Variants in HDAC4 observed in about 807,000 individuals in gnomAD.
HDAC4 encodes histone deacetylase 4, also known as histone deacetylase A.
HDAC4 carries 16 observed loss-of-function variants against 135.1 expected under a neutral mutation model. The observed-to-expected ratio is 0.12, with a 90% CI of 0.08 to 0.18. The LOEUF is 0.18. Among genes scored for constraint, HDAC4 ranks in the 10% least tolerant of loss-of-function variants. The pLI is 1.00. For synonymous variants in HDAC4, 685 were observed against 653.4 expected, an observed-to-expected ratio of 1.05 and a Z score of -0.74; for missense variants, 1,143 against 1,511.8, an observed-to-expected ratio of 0.76 and a Z score of 4.05.
intron 7 of HDAC4, among the ~76,000 whole-genome samples, chr2:239,148,381 G>C (rs1039606866): frequency 6.6e-6 from 1 of 152,210 alleles, no homozygotes; most frequent in Non-Finnish European, 1.5e-5. Context: ...CAGGAGAAGA[G>C]AGAATCAGCA....
At chr2:239,339,083 G>A (rs547676540) in intron 2 of HDAC4, among the ~76,000 whole-genome samples, 1 of 152,330 alleles carries the variant, frequency 6.6e-6, no homozygotes, top group African/African-American at 2.4e-5. Flanking sequence ...TGGTAAAGAT[G>A]TTATATTGAC....
intron 3 of HDAC4, among the ~76,000 whole-genome samples, chr2:239,190,574 G>A (rs998622727): frequency 2.0e-5 from 3 of 152,204 alleles, no homozygotes; most frequent in African/African-American, 7.2e-5. Flanking sequence ...CCACAAGAGC[G>A]TGTGCCCCAG....
intron 3 of HDAC4, among the ~76,000 whole-genome samples, chr2:239,223,422 G>A (rs2047074781): frequency 1.3e-5 from 2 of 152,204 alleles, no homozygotes; most frequent in Non-Finnish European, 2.9e-5. Flanking sequence ...GCGGGTCACT[G>A]GGGGTGGAAT....
chr2:239,082,781 G>A (rs1043604170), intron 20 of HDAC4, among the ~76,000 whole-genome samples: 8 of 152,244 alleles, frequency 5.3e-5, no homozygotes, highest in Admixed American at 4.6e-4. Context: ...GGCAAGCACC[G>A]TTTCTTAATC....
At chr2:239,116,700 C>G (rs982655765) in intron 12 of HDAC4, among the ~76,000 whole-genome samples, 2 of 152,244 alleles carry the variant, frequency 1.3e-5, no homozygotes, top group Non-Finnish European at 2.9e-5. Context: ...CCTGCCTCTG[C>G]TGAAGAGCCC....
At chr2:239,236,795 A>G in intron 2 of HDAC4, 131 bp from the exon 3 acceptor site, 1 of 733,798 alleles carries the variant, frequency 1.4e-6, no homozygotes, top group Non-Finnish European at 2.5e-6. Flanking sequence ...TTACAGGGGG[A>G]CACTTTCAGC....
intron 2 of HDAC4, among the ~76,000 whole-genome samples, chr2:239,315,477 A>C (rs2053077457): frequency 6.6e-6 from 1 of 152,204 alleles, no homozygotes. Context: ...AGAAACATTC[A>C]AAATGAAACC....
intron 3 of HDAC4, among the ~76,000 whole-genome samples, chr2:239,216,970 T>C (rs530689): frequency 0.54 from 82,089 of 152,134 alleles, 23,339 homozygotes; most frequent in South Asian, 0.73. Flanking sequence ...AAAAGACAGG[T>C]GACTGCATTC....
intron 16 of HDAC4, among the ~76,000 whole-genome samples, chr2:239,101,379 T>A (rs10169279): frequency 1.3e-5 from 2 of 151,898 alleles, no homozygotes; most frequent in African/African-American, 2.4e-5. Context: ...CGTGAGCGAG[T>A]GAGTGAGTGA....
chr2:239,265,544 C>A (rs948871808), intron 2 of HDAC4, among the ~76,000 whole-genome samples: 1 of 152,024 alleles, frequency 6.6e-6, no homozygotes, highest in Non-Finnish European at 1.5e-5. Flanking sequence ...GGGGGAGGTG[C>A]GGTGGGGCGG....
chr2:239,051,446 C>G lies in HDAC4; in HGVS notation c.*1651G>C, dbSNP rs1404176611. On this transcript the variant is annotated 3_prime_UTR_variant, in exon 27 of 27. Coordinates refer to ENST00000543185, the MANE Select transcript of HDAC4 (RefSeq NM_001378414.1). Reference sequence around the variant, plus strand: ...AAAAAAAAATGTACAAGCAAGAATTCAGAAAGGAAAAAGATTTAGACATTA... The same window carrying G: ...AAAAAAAAATGTACAAGCAAGAATTGAGAAAGGAAAAAGATTTAGACATTA... The G allele has an allele frequency of 2.6e-5, 4 of 152,304 alleles. No homozygotes were observed. Among genetic ancestry groups the G allele is most frequent in the Non-Finnish European group, 5.9e-5 (4 of 68,004 alleles). The allele number at this position is 152,304 out of a possible 1,614,324, so 9.4% of individuals were successfully genotyped here.
At chr2:239,197,882 T>TGTGTGC (rs796837146) in intron 3 of HDAC4, among the ~76,000 whole-genome samples, 1,754 of 150,330 alleles carry the variant, frequency 0.012, 39 homozygotes, top group East Asian at 0.098. Flanking sequence ...TGTGTGTGTG[T>TGTGTGC]GCTGAGTGTC....
intron 1 of HDAC4, among the ~76,000 whole-genome samples, chr2:239,388,346 C>A (rs1057221976): frequency 6.6e-6 from 1 of 152,240 alleles, no homozygotes; most frequent in African/African-American, 2.4e-5. Flanking sequence ...TCCCAAAGCA[C>A]ATTCCTTCTA....
intron 2 of HDAC4, among the ~76,000 whole-genome samples, chr2:239,329,843 A>G (rs967054483): frequency 6.6e-6 from 1 of 151,930 alleles, no homozygotes; most frequent in Non-Finnish European, 1.5e-5. Context: ...CTATAAGGTG[A>G]AGTCTCTTAG....
chr2:239,238,680 CA>C (rs564153153), intron 2 of HDAC4, among the ~76,000 whole-genome samples: 88 of 152,306 alleles, frequency 5.8e-4, no homozygotes, highest in Non-Finnish European at 9.8e-4. Flanking sequence ...TGCCTGAGCC[CA>C]AAAGGCGGAT....
intron 3 of HDAC4, among the ~76,000 whole-genome samples, chr2:239,206,658 G>A (rs1453381883): frequency 7.1e-6 from 1 of 141,166 alleles, no homozygotes; most frequent in African/African-American, 2.7e-5. Context: ...TAAATCTCAA[G>A]GACTGAAAAA....
At chr2:239,312,931 G>C (rs1481924654) in intron 2 of HDAC4, among the ~76,000 whole-genome samples, 1 of 152,220 alleles carries the variant, frequency 6.6e-6, no homozygotes, top group Non-Finnish European at 1.5e-5. Flanking sequence ...GCACTGTGGG[G>C]GCGGCCGGCC....
At position 239,190,227 on chromosome 2, in the gene HDAC4, C is replaced by A. The variant is rs2044841130; in HGVS notation, c.95-150G>T. 4.5e-6 allele frequency: 5 copies of A among 1,119,654 alleles called. No homozygotes were observed. In the Admixed American group the frequency reaches 1.4e-4, roughly 31 times the overall value. The allele number at this position is 1,119,654 out of a possible 1,614,324, so 69.4% of individuals were successfully genotyped here. A position where few individuals can be genotyped will look rare whatever the true frequency, so the allele number is the denominator to read the frequency against. ...TTGGATACCCCTCTCCCCCTGTCCC[C>A]CTCTTGCCCAACAAACTCAAAATGC... On this transcript the variant is annotated intron_variant, in intron 3 of 26. Transcript: ENST00000543185.
At chr2:239,126,812 C>T in intron 11 of HDAC4, 118 bp from the exon 12 acceptor site, 1 of 1,110,342 alleles carries the variant, frequency 9.0e-7, no homozygotes, top group Non-Finnish European at 1.3e-6. Flanking sequence ...CCCAGGCGTT[C>T]TGCCCTGGTG....
Sources: allele counts gnomAD v4.1 joint callset (sites outside exome capture counted in the v4.1 genomes callset), GRCh38; gene constraint gnomAD v4.1.1; transcripts MANE v1.5; gene names NCBI Gene and HGNC (gene_info 2026-07-23, HGNC 2026-07-21).